Variants in SPIN2A observed in about 807,000 individuals in gnomAD.
The protein encoded by SPIN2A is spindlin family member 2A.
SPIN2A carries 4 observed loss-of-function variants against 9.2 expected under a neutral mutation model. The observed-to-expected ratio is 0.44, with a 90% CI of 0.21 to 1.00. The LOEUF (loss-of-function observed/expected upper bound fraction) is 1.00. SPIN2A is among the 50% of genes least tolerant of loss of function. The pLI, the probability that SPIN2A is intolerant of heterozygous loss-of-function variation, is 0.26. For missense variants in SPIN2A, 77 were observed against 172.8 expected, an observed-to-expected ratio of 0.45 and a Z score of 3.11; for synonymous variants, 25 against 61.2, an observed-to-expected ratio of 0.41 and a Z score of 2.76.
At chrX:57,146,268 T>C in the SPIN2A span, among the ~76,000 whole-genome samples, 1 of 111,231 alleles carries the variant, frequency 9.0e-6, no homozygotes, top group Non-Finnish European at 1.9e-5. Context: ...GTTTTCCTTG[T>C]AGAGGTCTTT....
At chrX:57,134,411 C>A (rs1927614708), downstream of SPIN2A, 1 of 111,356 alleles carries the variant, frequency 9.0e-6, no homozygotes, top group African/African-American at 3.3e-5. Flanking sequence ...TGGGGAAGGT[C>A]TAACCAGAAT....
chrX:57,139,485 C>G (rs955016528), upstream of SPIN2A, among the ~76,000 whole-genome samples: 1 of 111,404 alleles, frequency 9.0e-6, no homozygotes, highest in African/African-American at 3.3e-5. Context: ...TTTTTTGAGA[C>G]GGAGTCTTGC....
chrX:57,137,028 C>T, intron 1 of SPIN2A: 2 of 834,618 alleles, frequency 2.4e-6, no homozygotes, highest in African/African-American at 4.3e-5. Context: ...TACCTACCTC[C>T]CTTGCTTCCT....
chrX:57,146,799 T>C, the SPIN2A span, among the ~76,000 whole-genome samples: 1 of 112,028 alleles, frequency 8.9e-6, no homozygotes, highest in African/African-American at 3.2e-5. Context: ...TGTCAAATGC[T>C]TTTTCTTCAT....
rs1927688435 is a variant in SPIN2A at position 57,135,839 on chromosome X, A to T, written c.759T>A (p.Asp253Glu). The T allele has an allele frequency of 8.3e-7, 1 of 1,201,967 alleles. No individual in the cohort carries two copies. The highest frequency in any genetic ancestry group is 1.1e-6 in the Non-Finnish European group (1 of 891,792). The change falls in exon 2 of 2, where the codon GAT becomes GAA. Residue 253 changes from aspartate (D) to glutamate (E), a missense_variant. By Grantham distance (45) the Asp-to-Glu change is conservative. Coordinates refer to ENST00000374906, the MANE Select transcript of SPIN2A (RefSeq NM_019003.5). ...CTAACAGTTAGGACTTTTTCACCAA[A>T]TCGTAGACATAGATATGGAAATCAT... ...FDDDFHIYVY[D>E]LVKKS
upstream of SPIN2A, among the ~76,000 whole-genome samples, chrX:57,141,927 T>C (rs756918637): frequency 4.1e-3 from 455 of 111,011 alleles, 2 homozygotes; most frequent in African/African-American, 0.014. Flanking sequence ...ATTAGCTATT[T>C]GTCTTAATGC....
At chrX:57,136,936 G>T in intron 1 of SPIN2A, 2 of 826,095 alleles carry the variant, frequency 2.4e-6, no homozygotes, top group Non-Finnish European at 3.2e-6. Context: ...AAGCGGCCTT[G>T]ACCAGCACCC....
upstream of SPIN2A, among the ~76,000 whole-genome samples, chrX:57,141,785 C>CT (rs926984463): frequency 2.7e-5 from 3 of 109,635 alleles, no homozygotes; most frequent in East Asian, 2.8e-4. Flanking sequence ...TTTTCTTTTT[C>CT]TTTTTTTTAA....
the SPIN2A span, among the ~76,000 whole-genome samples, chrX:57,144,844 C>T: frequency 1.1e-4 from 12 of 109,543 alleles, no homozygotes; most frequent in Non-Finnish European, 2.1e-4. Context: ...CTGCAAATGC[C>T]GTTAATTCAT....
upstream of SPIN2A, among the ~76,000 whole-genome samples, chrX:57,139,527 C>T (rs1927939812): frequency 9.0e-6 from 1 of 111,342 alleles, no homozygotes; most frequent in Admixed American, 9.6e-5. Flanking sequence ...AATCTTGGCT[C>T]ACTGCGAGCT....
chrX:57,134,872 C>T (rs1370279511), downstream of SPIN2A: 1 of 111,543 alleles, frequency 9.0e-6, no homozygotes, highest in Non-Finnish European at 1.9e-5. Flanking sequence ...CAGGAAAAGC[C>T]TTATGGGCAT....
At chrX:57,134,472 A>T (rs1289806165), downstream of SPIN2A, 6 of 110,772 alleles carry the variant, frequency 5.4e-5, no homozygotes, top group Admixed American at 9.6e-5. Flanking sequence ...GGTCGGAGCC[A>T]CCTATGGTTT....
upstream of SPIN2A, among the ~76,000 whole-genome samples, chrX:57,139,057 A>G (rs909910404): frequency 1.8e-5 from 2 of 111,884 alleles, no homozygotes; most frequent in African/African-American, 6.5e-5. Flanking sequence ...GAAGCTTTTT[A>G]GCTGATGTGA....
At chrX:57,137,966 A>C (rs1214155332), upstream of SPIN2A, among the ~76,000 whole-genome samples, 1 of 111,360 alleles carries the variant, frequency 9.0e-6, no homozygotes. Flanking sequence ...TTAATTCCAA[A>C]TACACACCTC....
chrX:57,142,178 T>C (rs939422356), upstream of SPIN2A, among the ~76,000 whole-genome samples: 1 of 112,280 alleles, frequency 8.9e-6, no homozygotes, highest in African/African-American at 3.2e-5. Context: ...TTTCTACTTC[T>C]TTAAGGTGCA....
chrX:57,144,557 T>C, the SPIN2A span, among the ~76,000 whole-genome samples: 1 of 108,927 alleles, frequency 9.2e-6, no homozygotes, highest in African/African-American at 3.3e-5. Flanking sequence ...GTGGAACAGG[T>C]GGTATTTGGT....
At chrX:57,147,001 G>C in the SPIN2A span, among the ~76,000 whole-genome samples, 1 of 111,124 alleles carries the variant, frequency 9.0e-6, no homozygotes, top group African/African-American at 3.3e-5. Context: ...ATCTATATTA[G>C]TCAGGGATAT....
chrX:57,140,818 G>C (rs1446412681), upstream of SPIN2A, among the ~76,000 whole-genome samples: 1 of 111,139 alleles, frequency 9.0e-6, no homozygotes, highest in Non-Finnish European at 1.9e-5. Flanking sequence ...ATAGACACTA[G>C]GATTTCCAAA....
chrX:57,143,780 T>A, the SPIN2A span, among the ~76,000 whole-genome samples: 1 of 111,736 alleles, frequency 8.9e-6, no homozygotes, highest in Non-Finnish European at 1.9e-5. Flanking sequence ...GCCTAGCCTG[T>A]TATTATTTTT....
Sources: allele counts gnomAD v4.1 joint callset (sites outside exome capture counted in the v4.1 genomes callset), GRCh38; gene constraint gnomAD v4.1.1; transcripts MANE v1.5; gene names NCBI Gene and HGNC (gene_info 2026-07-23, HGNC 2026-07-21).